Variants in RBM4 observed in about 807,000 individuals in gnomAD.
RBM4 encodes RNA-binding protein 4.
A neutral mutation model predicts 29.5 loss-of-function variants in RBM4; 7 were observed. The ratio of observed to expected loss-of-function variants is 0.24; its 90% confidence interval spans 0.14 to 0.45. The LOEUF (loss-of-function observed/expected upper bound fraction) is 0.45, where lower values mean the gene tolerates loss of function less well. RBM4 is among the 20% of genes least tolerant of loss of function. The probability of loss-of-function intolerance (pLI) is 1.00; values close to 1 mark genes in which losing one functional copy is unlikely to be tolerated. For missense variants in RBM4, 387 were observed against 502.3 expected, an observed-to-expected ratio of 0.77 and a Z score of 2.19; for synonymous variants, 220 against 205.4, an observed-to-expected ratio of 1.07 and a Z score of -0.61.
intron 1 of RBM4, chr11:66,639,440 G>C (rs1385611914): frequency 1.4e-5 from 7 of 497,164 alleles, no homozygotes; most frequent in Non-Finnish European, 2.5e-5. Flanking sequence ...CATTTCTGTT[G>C]GAAGGTATCG....
downstream of RBM4, among the ~76,000 whole-genome samples, chr11:66,648,700 C>T (rs374879122): frequency 6.6e-6 from 1 of 151,562 alleles, no homozygotes; most frequent in African/African-American, 2.4e-5. Context: ...TTAATTGTGG[C>T]TATTTGGGAG....
At position 66,643,880 on chromosome 11, in the gene RBM4, AGCTGCTGCCACAGCTGCT is replaced by A. The variant is rs756467276; in HGVS notation, c.849_866del (p.Thr285_Ala290del). ...ATAGACACCTGTTGCCGACCTCAGG[AGCTGCTGCCACAGCTGCT>A]GCTGCAGCAGCAGCCGCTGCTGCTG... On this transcript the variant is annotated inframe_deletion, in exon 3 of 4. Transcript: ENST00000310092. This position sits in a 1 kb window ranked among gnomAD's most constrained non-coding sequence, Gnocchi z 6.1. 1 of 1,613,364 alleles carries A rather than the reference AGCTGCTGCCACAGCTGCT, an allele frequency of 6.2e-7. No individual in the cohort carries two copies. Among genetic ancestry groups the A allele is most frequent in the African/African-American group, 1.3e-5 (1 of 74,812 alleles).
intron 2 of RBM4, among the ~76,000 whole-genome samples, chr11:66,654,733 G>A (rs1938908870): frequency 6.9e-6 from 1 of 143,906 alleles, no homozygotes; most frequent in African/African-American, 2.6e-5. Flanking sequence ...GCCCAGCCTA[G>A]TCTTGAACTC....
intron 2 of RBM4, chr11:66,640,469 G>C (rs555421238): frequency 2.2e-6 from 1 of 456,828 alleles, no homozygotes; most frequent in Admixed American, 3.8e-5. Flanking sequence ...TCCTCACTCT[G>C]AATTTATTGC....
At chr11:66,661,899 G>A (rs753022098) in intron 2 of RBM4, among the ~76,000 whole-genome samples, 10 of 152,054 alleles carry the variant, frequency 6.6e-5, no homozygotes, top group Non-Finnish European at 1.0e-4. Context: ...GCGTGGTGGC[G>A]CGCGACTGTG....
chr11:66,652,848 A>G (rs1265395498), intron 2 of RBM4, among the ~76,000 whole-genome samples: 1 of 152,132 alleles, frequency 6.6e-6, no homozygotes, highest in Non-Finnish European at 1.5e-5. Flanking sequence ...TGAAACATAC[A>G]ACCCCACCCG....
At chr11:66,651,167 C>A (rs1398179237), downstream of RBM4, among the ~76,000 whole-genome samples, 6 of 152,178 alleles carry the variant, frequency 3.9e-5, no homozygotes, top group South Asian at 1.2e-3. Context: ...ATCATTGGCA[C>A]TAGTATTAAG....
At position 66,644,014 on chromosome 11, in the gene RBM4, G is replaced by A. The variant is rs942587569; in HGVS notation, c.977G>A (p.Gly326Asp). Residue 326 changes from glycine (G) to aspartate (D), a missense_variant, in exon 3 of 4, where the codon GGT (glycine) becomes GAT (aspartate). By Grantham distance (94) the Gly-to-Asp change is moderately conservative. Around this residue, in one of 2 missense-constraint regions of RBM4, gnomAD observed 281 missense variants for 288.7 expected, o/e 0.97. Transcript: ENST00000310092. ...GTCCCCACTGTTGGAGAGGGCTACG[G>A]TTACGGGCATGAGAGTGAGTTGTCC... The part of the protein sequence containing the change: ...APVPTVGEGY[G>D]YGHESELSQA... 1.2e-6 allele frequency: 2 copies of A among 1,613,728 alleles called. No individual in the cohort carries two copies. Among genetic ancestry groups the A allele is most frequent in the South Asian group, 1.1e-5 (1 of 91,084 alleles).
At chr11:66,639,549 C>T in intron 1 of RBM4, 151 bp from the exon 2 acceptor site, 4 of 1,012,224 alleles carry the variant, frequency 4.0e-6, no homozygotes, top group Non-Finnish European at 5.7e-6. Context: ...CCTTAGTTCA[C>T]TCCCACTTCC....
rs564429506 is a variant in RBM4 at position 66,641,413 on chromosome 11, T to C, written c.412+1290T>C. 1.4e-4 allele frequency among the ~76,000 whole-genome samples: 22 copies of C among 152,334 alleles called. No individual in the cohort carries two copies. In the South Asian group the frequency reaches 4.6e-3, roughly 32 times the overall value. ...ATTGCTGTGCGTTAGTAAAGAAAAG[T>C]GACACAGGTCTCTCAGGTCTAGTTT... is the stretch of plus-strand genomic sequence containing the variant. On this transcript the variant is annotated intron_variant, in intron 2 of 3. Coordinates refer to ENST00000310092, the MANE Select transcript of RBM4 (RefSeq NM_002896.4).
chr11:66,643,977 G>T lies in RBM4; in HGVS notation c.940G>T (p.Ala314Ser). ...YGRDRSPLRRATAPVPTVGEG... is the reference protein window; with the variant it reads ...YGRDRSPLRRSTAPVPTVGEG... ...GCGGGATCGGAGCCCCCTGCGTCGC[G>T]CTACAGCCCCAGTCCCCACTGTTGG... is the stretch of plus-strand genomic sequence containing the variant. Residue 314 changes from alanine to serine, a missense_variant, in exon 3 of 4, where the codon GCT becomes TCT. By Grantham distance (99) the Ala-to-Ser change is moderately conservative. Transcript: ENST00000310092. The surrounding 1 kb of genome is among the most constrained non-coding windows in gnomAD (Gnocchi z 6.1). The T allele has an allele frequency of 6.2e-7, 1 of 1,613,108 alleles. No homozygotes were observed. Among genetic ancestry groups the T allele is most frequent in the Non-Finnish European group, 8.5e-7 (1 of 1,180,024 alleles).
chr11:66,666,783 G>A (rs1426453665), exon 3 of RBM4: 2 of 152,024 alleles, frequency 1.3e-5, no homozygotes, highest in African/African-American at 4.8e-5. Context: ...ACACAGACTA[G>A]CTGCATGGTG....
intron 2 of RBM4, among the ~76,000 whole-genome samples, chr11:66,660,326 C>CT (rs201122159): frequency 0.051 from 6,614 of 130,496 alleles, 231 homozygotes; most frequent in East Asian, 0.12. Flanking sequence ...ATCACAATTT[C>CT]TTTTTTTTTG....
At chr11:66,642,969 T>C (rs575709885) in intron 2 of RBM4, among the ~76,000 whole-genome samples, 35 of 152,354 alleles carry the variant, frequency 2.3e-4, no homozygotes, top group Admixed American at 2.2e-3. Flanking sequence ...CATTCTTTAA[T>C]AGTGGTAATC....
At chr11:66,652,461 C>G (rs911416800) in intron 2 of RBM4, 14 of 152,186 alleles carry the variant, frequency 9.2e-5, no homozygotes, top group African/African-American at 2.9e-4. Context: ...AGGTAAAAAA[C>G]AGCTAAAATG....
At chr11:66,666,311 T>G in exon 3 of RBM4, 17 of 1,062,942 alleles carry the variant, frequency 1.6e-5, no homozygotes, top group Non-Finnish European at 1.9e-5. Flanking sequence ...GGGCCAAATC[T>G]TGGTCTTGAT....
downstream of RBM4, among the ~76,000 whole-genome samples, chr11:66,647,034 C>T (rs1197963854): frequency 6.6e-6 from 1 of 152,230 alleles, no homozygotes; most frequent in East Asian, 1.9e-4. Flanking sequence ...GCCTTTAAAT[C>T]ATAGGCATGG....
intron 2 of RBM4, chr11:66,640,516 A>G (rs763191412): frequency 6.7e-5 from 26 of 389,152 alleles, no homozygotes; most frequent in Middle Eastern, 1.4e-3. Context: ...TTTTACGTGA[A>G]GAACCTCTCA....
downstream of RBM4, among the ~76,000 whole-genome samples, chr11:66,647,067 C>CTAAA (rs939971438): frequency 3.3e-4 from 51 of 152,348 alleles, no homozygotes; most frequent in African/African-American, 1.2e-3. Context: ...ACATATGAGG[C>CTAAA]TTTAGATACC....
Sources: gnomAD v4.1 joint callset for allele counts (sites outside exome capture counted in the v4.1 genomes callset) on GRCh38, gnomAD v4.1.1 for gene constraint, gnomAD v4.1.1 regional missense constraint, Gnocchi (gnomAD v3.1) non-coding constraint, MANE v1.5 for transcripts, NCBI Gene and HGNC (gene_info 2026-07-23, HGNC 2026-07-21) for gene names.